Variants in NCAM2 observed in about 807,000 individuals in gnomAD.
The protein encoded by NCAM2 is N-CAM-2.
A neutral mutation model predicts 98.1 loss-of-function variants in NCAM2; 30 were observed. That is an observed-to-expected ratio of 0.31 (90% CI 0.23 to 0.41). The LOEUF (loss-of-function observed/expected upper bound fraction) is 0.41, where lower values mean the gene tolerates loss of function less well. Among genes scored for constraint, NCAM2 ranks in the 10% least tolerant of loss-of-function variants. NCAM2 has a pLI of 1.00. For synonymous variants in NCAM2, 368 were observed against 342.4 expected (o/e 1.07, Z -0.83); for missense variants, 867 against 1,005.8 (o/e 0.86, Z 1.87).
chr21:21,171,084 T>G (rs2068110432), intron 1 of NCAM2, among the ~76,000 whole-genome samples: 1 of 152,224 alleles, frequency 6.6e-6, no homozygotes, highest in African/African-American at 2.4e-5. Flanking sequence ...ATTTATAATG[T>G]GATACTTTCA....
At position 21,136,796 on chromosome 21, in the gene NCAM2, C is replaced by T. The variant is rs562697935; in HGVS notation, c.55+138178C>T. On this transcript the variant is annotated intron_variant, in intron 1 of 17. Coordinates refer to ENST00000400546, the MANE Select transcript of NCAM2 (RefSeq NM_004540.5). Reference sequence around the variant, plus strand: ...TTTCTAATTCTCTTTCTACAAAAGACGACATGCAATGAAATCCTTCCGGTT... The same window carrying T: ...TTTCTAATTCTCTTTCTACAAAAGATGACATGCAATGAAATCCTTCCGGTT... Among the ~76,000 whole-genome samples, 54 of 151,894 alleles carry T rather than the reference C, an allele frequency of 3.6e-4. No individual in the cohort carries two copies. In the Middle Eastern group the frequency reaches 0.014, roughly 38 times the overall value.
At chr21:21,197,826 G>T (rs563112359) in intron 1 of NCAM2, among the ~76,000 whole-genome samples, 2 of 152,228 alleles carry the variant, frequency 1.3e-5, no homozygotes, top group East Asian at 3.9e-4. Flanking sequence ...TGAGGGGGTT[G>T]GGAGGGAAGT....
intron 1 of NCAM2, among the ~76,000 whole-genome samples, chr21:21,232,764 GT>G (rs1318427320): frequency 6.6e-6 from 1 of 151,534 alleles, no homozygotes; most frequent in Non-Finnish European, 1.5e-5. Flanking sequence ...CATTGCTTTA[GT>G]TTTATATGCC....
At chr21:21,005,224 C>G (rs766270678) in intron 1 of NCAM2, among the ~76,000 whole-genome samples, 1 of 152,090 alleles carries the variant, frequency 6.6e-6, no homozygotes, top group African/African-American at 2.4e-5. Flanking sequence ...GTTTTTAAGT[C>G]TGCTGGCCAT....
At chr21:21,520,738 G>T (rs1988969756) in intron 16 of NCAM2, among the ~76,000 whole-genome samples, 1 of 152,182 alleles carries the variant, frequency 6.6e-6, no homozygotes, top group Non-Finnish European at 1.5e-5. Flanking sequence ...GGCAGATGCA[G>T]AAAATCACAA....
At chr21:21,394,004 AT>A (rs144743669) in intron 9 of NCAM2, among the ~76,000 whole-genome samples, 13,636 of 152,218 alleles carry the variant, frequency 0.09, 779 homozygotes, top group East Asian at 0.3. Context: ...TGAAAGTCAA[AT>A]TAGAGAGAAA....
intron 1 of NCAM2, among the ~76,000 whole-genome samples, chr21:21,066,582 T>C (rs1045453014): frequency 6.6e-6 from 1 of 152,146 alleles, no homozygotes; most frequent in African/African-American, 2.4e-5. Flanking sequence ...GATGCCTCTA[T>C]GCGCAAGAAA....
chr21:21,209,396 A>T, intron 1 of NCAM2, among the ~76,000 whole-genome samples: 1 of 151,854 alleles, frequency 6.6e-6, no homozygotes, highest in Non-Finnish European at 1.5e-5. Flanking sequence ...ATTTATTTTT[A>T]TTTTTTTCGG....
At chr21:21,022,177 T>G (rs1173925952) in intron 1 of NCAM2, among the ~76,000 whole-genome samples, 1 of 152,006 alleles carries the variant, frequency 6.6e-6, no homozygotes, top group East Asian at 1.9e-4. Flanking sequence ...TAGTTGAAAA[T>G]AAAAGTAAAA....
chr21:21,109,724 G>A (rs1003633113), intron 1 of NCAM2, among the ~76,000 whole-genome samples: 3 of 152,168 alleles, frequency 2.0e-5, no homozygotes, highest in Admixed American at 1.3e-4. Context: ...AATTACAATA[G>A]TATTTTCTGT....
intron 1 of NCAM2, among the ~76,000 whole-genome samples, chr21:21,104,978 G>T (rs1412497314): frequency 6.6e-6 from 1 of 152,088 alleles, no homozygotes. Context: ...CCCTGTGTGT[G>T]AGCTTAGAAC....
intron 9 of NCAM2, among the ~76,000 whole-genome samples, chr21:21,405,799 T>C (rs189610975): frequency 7.9e-5 from 12 of 152,286 alleles, no homozygotes; most frequent in Middle Eastern, 3.4e-3. Context: ...ATATTTCTTA[T>C]TAATTCAAAA....
chr21:21,078,909 A>G (rs2065735415), intron 1 of NCAM2, among the ~76,000 whole-genome samples: 1 of 152,200 alleles, frequency 6.6e-6, no homozygotes, highest in African/African-American at 2.4e-5. Context: ...GCTGGAAGCT[A>G]TCATCCTTAG....
intron 1 of NCAM2, among the ~76,000 whole-genome samples, chr21:21,111,574 A>G (rs1325332694): frequency 1.3e-5 from 2 of 152,210 alleles, no homozygotes; most frequent in African/African-American, 2.4e-5. Context: ...GACACATGCT[A>G]CGGATTAAGG....
intron 1 of NCAM2, among the ~76,000 whole-genome samples, chr21:21,084,928 T>G (rs2146422335): frequency 6.6e-6 from 1 of 152,290 alleles, no homozygotes; most frequent in East Asian, 1.9e-4. Flanking sequence ...ATACAATGCT[T>G]GAATGTTGGG....
Position 21,487,727 on chromosome 21 carries a change from G to A in NCAM2, c.2077+10256G>A, listed in dbSNP as rs1359049618. On this transcript the variant is annotated intron_variant, in intron 15 of 17. Coordinates refer to ENST00000400546, the MANE Select transcript of NCAM2 (RefSeq NM_004540.5). ...TTCTTTCCTCCATTTTACAGTCAAC[G>A]TTACTGGCCTCTCTACCCCAATCAA... Among the ~76,000 whole-genome samples, 3 of 151,926 alleles carry A rather than the reference G, an allele frequency of 2.0e-5. No individual in the cohort carries two copies. The East Asian group carries it at 5.8e-4, about 29-fold the overall frequency.
At chr21:21,363,686 A>G (rs1411611734) in intron 8 of NCAM2, among the ~76,000 whole-genome samples, 1 of 152,078 alleles carries the variant, frequency 6.6e-6, no homozygotes, top group Non-Finnish European at 1.5e-5. Context: ...TTTATAGAAA[A>G]GGTATCATAT....
intron 8 of NCAM2, among the ~76,000 whole-genome samples, chr21:21,359,655 G>T (rs2075593312): frequency 6.6e-6 from 1 of 151,796 alleles, no homozygotes; most frequent in African/African-American, 2.4e-5. Context: ...TACTAAAAGT[G>T]ATTTTAATAA....
intron 6 of NCAM2, among the ~76,000 whole-genome samples, chr21:21,331,177 G>A (rs951813476): frequency 6.6e-6 from 1 of 151,450 alleles, no homozygotes; most frequent in African/African-American, 2.4e-5. Flanking sequence ...ACAGATTCTC[G>A]CTCTGCCACC....
Sources: gnomAD v4.1 joint callset for allele counts (sites outside exome capture counted in the v4.1 genomes callset) on GRCh38, gnomAD v4.1.1 for gene constraint, MANE v1.5 for transcripts, NCBI Gene and HGNC (gene_info 2026-07-23, HGNC 2026-07-21) for gene names.